Variants in PIEZO1 observed in about 807,000 individuals in gnomAD.
PIEZO1 encodes piezo-type mechanosensitive ion channel component 1.
PIEZO1 carries 296 observed loss-of-function variants against 297.2 expected under a neutral mutation model. That is an observed-to-expected ratio of 1.00 (90% CI 0.91 to 1.10). The LOEUF (loss-of-function observed/expected upper bound fraction) is 1.10. Ranked by LOEUF, PIEZO1 falls within the 50% of genes least tolerant of loss-of-function variation. PIEZO1 has a pLI of 0.00. For missense variants in PIEZO1, 5,018 were observed against 3,455.5 expected, an observed-to-expected ratio of 1.45 and a Z score of -11.34; for synonymous variants, 2,427 against 1,507.5, an observed-to-expected ratio of 1.61 and a Z score of -14.13.
At chr16:88,722,179 G>A (rs1597445662) in intron 36 of PIEZO1, 39 bp downstream of exon 36, 2 of 1,533,482 alleles carry the variant, frequency 1.3e-6, no homozygotes, top group Non-Finnish European at 1.8e-6. Flanking sequence ...CTCCCCGAGG[G>A]CCATGGTGAG....
intron 10 of PIEZO1, 200 bp downstream of exon 10, chr16:88,737,359 G>C: frequency 1.8e-6 from 1 of 552,032 alleles, no homozygotes; most frequent in Non-Finnish European, 3.2e-6. Flanking sequence ...TTGGGGGTTG[G>C]TCAGTGACAT....
chr16:88,776,872 T>C (rs1263762769), intron 1 of PIEZO1, among the ~76,000 whole-genome samples: 1 of 152,200 alleles, frequency 6.6e-6, no homozygotes, highest in East Asian at 1.9e-4. Context: ...GGGGAATGTG[T>C]GTGCTCATTC....
In PIEZO1 at chr16:88,737,799, T is replaced by A. The variant is rs1905341310; in HGVS notation, c.1036A>T (p.Lys346Ter). Residue 346 changes from lysine to a stop codon, truncating the protein, a stop_gained, in exon 9 of 51, where the codon AAG becomes TAG. Transcript: ENST00000301015. LOFTEE classifies it high-confidence loss of function. The part of the protein sequence containing the change: ...RPSGQRKEAA[K>*]GYEARELELA... ...TCCAGCTCCCGAGCCTCATACCCCT[T>A]TGCCGCCTCCTTCCTCTGCAGAGAC... 6.5e-7 allele frequency: 1 copy of A among 1,535,626 alleles called. No homozygotes were observed. The highest frequency in any genetic ancestry group is 2.0e-5 in the Admixed American group (1 of 50,972).
rs577852978 is a variant in PIEZO1, at chr16:88,719,377, C to T, written c.6471+197G>A. ...GGACCAACTCCGCTGCCCACTTCTG[C>T]GCCCAGCACTCACTCGCAGCTGCCA... On this transcript the variant is annotated intron_variant, in intron 44 of 50. Coordinates refer to ENST00000301015, the MANE Select transcript of PIEZO1 (RefSeq NM_001142864.4). 6.2e-4 allele frequency: 366 copies of T among 590,814 alleles called. 2 individuals are homozygous for T. In the East Asian group the frequency reaches 7.4e-3, roughly 12 times the overall value. The allele number at this position is 590,814 out of a possible 1,614,324, so 36.6% of individuals were successfully genotyped here.
chr16:88,735,351 G>T, intron 12 of PIEZO1, 105 bp from the exon 13 acceptor site: 1 of 795,306 alleles, frequency 1.3e-6, no homozygotes, highest in Non-Finnish European at 2.1e-6. Context: ...GCTCTCAGGC[G>T]GCTGGCACCA....
rs1433205453 is a variant in PIEZO1 at position 88,716,383 on chromosome 16, C to T, written c.7027G>A (p.Glu2343Lys). The change falls in exon 48 of 51, where the codon GAG becomes AAG. Residue 2343 changes from glutamate (E) to lysine (K), a missense_variant. Glu to Lys is a moderately conservative substitution (Grantham distance 56). Coordinates refer to ENST00000301015, the MANE Select transcript of PIEZO1 (RefSeq NM_001142864.4). ...CACACAGACTGGTCCGAGGTGCCCTCGAGCAGGCTGGCCAGCTGCCGCCGT... is the reference window on the plus strand; with the variant it reads ...CACACAGACTGGTCCGAGGTGCCCTTGAGCAGGCTGGCCAGCTGCCGCCGT... ...TARRQLASLLEGTSDQSVVIP... is the reference protein window; with the variant it reads ...TARRQLASLLKGTSDQSVVIP... 13 of 1,545,630 alleles carry T rather than the reference C, an allele frequency of 8.4e-6. No homozygotes were observed. Among genetic ancestry groups the T allele is most frequent in the South Asian group, 4.8e-5 (4 of 83,542 alleles).
intron 1 of PIEZO1, among the ~76,000 whole-genome samples, chr16:88,762,025 G>C (rs1411181241): frequency 6.6e-6 from 1 of 152,216 alleles, no homozygotes; most frequent in Admixed American, 6.5e-5. Flanking sequence ...GGCTTATCTG[G>C]GCAGCCATCT....
rs755738951 is a variant in PIEZO1, at chr16:88,721,232, G to T, written c.5602C>A (p.Arg1868Ser). 4 of 1,539,860 alleles carry T rather than the reference G, an allele frequency of 2.6e-6. No individual in the cohort carries two copies. In the Admixed American group the frequency reaches 5.9e-5, roughly 23 times the overall value. Residue 1868 changes from arginine (R) to serine (S), a missense_variant, in exon 39 of 51, where the codon CGC becomes AGC. Arg to Ser is a moderately radical substitution (Grantham distance 110). Transcript: ENST00000301015. ...QVELRPRDTR[R>S]ISLRFRRRKK... ...CTTCTTCTAAAACGTAGACTGATGC[G>T]CCTCGTATCACGGGGCCTGAGCTCC... is the stretch of plus-strand genomic sequence containing the variant.
Position 88,733,932 on chromosome 16 carries a change from G to C in PIEZO1, c.2303C>G (p.Pro768Arg). The change falls in exon 17 of 51, where the codon CCC (proline) becomes CGC (arginine). Residue 768 changes from proline (P) to arginine (R), a missense_variant. By Grantham distance (103) the Pro-to-Arg change is moderately radical. Coordinates refer to ENST00000301015, the MANE Select transcript of PIEZO1 (RefSeq NM_001142864.4). ...TTCAGGCACCTGCGTGGCCTGGTGG[G>C]GAGTGGCCACGCCCAGCCCCTCGTC... Reference protein sequence around the residue: ...SRDEGLGVATPHQATQVPEGA... With the variant: ...SRDEGLGVATRHQATQVPEGA... 6.5e-7 allele frequency: 1 copy of C among 1,533,888 alleles called. No individual in the cohort carries two copies. Among genetic ancestry groups the C allele is most frequent in the South Asian group, 1.2e-5 (1 of 82,586 alleles).
chr16:88,756,404 G>A (rs1032013137), intron 1 of PIEZO1, among the ~76,000 whole-genome samples: 2 of 152,192 alleles, frequency 1.3e-5, no homozygotes, highest in African/African-American at 2.4e-5. Context: ...TAATGGACCG[G>A]AAGGATCTCG....
rs1387022383 is a variant in PIEZO1 at position 88,722,623 on chromosome 16, C to G, written c.4735G>C (p.Gly1579Arg). The G allele has an allele frequency of 9.7e-6, 15 of 1,538,624 alleles. No individual in the cohort carries two copies. Among genetic ancestry groups the G allele is most frequent in the Non-Finnish European group, 1.2e-5 (14 of 1,145,954 alleles). The change falls in exon 35 of 51, where the codon GGC becomes CGC. Residue 1579 changes from glycine to arginine, a missense_variant. By Grantham distance (125) the Gly-to-Arg change is moderately radical (BLOSUM62 -2). Coordinates refer to ENST00000301015, the MANE Select transcript of PIEZO1 (RefSeq NM_001142864.4). ...GGGGCATTGGGGGCCTCGGTGGGGCCTGGCAGCGTGGCCTCGGCCTGGCTT... is the reference window on the plus strand; with the variant it reads ...GGGGCATTGGGGGCCTCGGTGGGGCGTGGCAGCGTGGCCTCGGCCTGGCTT... ...YTSQAEATLP[G>R]PTEAPNAPST... is the part of the protein sequence containing the mutation.
At position 88,742,401 on chromosome 16, in the gene PIEZO1, C is replaced by T; in HGVS notation, c.182G>A (p.Arg61Gln). The T allele has an allele frequency of 5.2e-6, 8 of 1,535,004 alleles. No individual in the cohort carries two copies. In the Middle Eastern group the frequency reaches 5.3e-4, roughly 102 times the overall value. The change falls in exon 3 of 51, where the codon CGG becomes CAG. Residue 61 changes from arginine (R) to glutamine (Q), a missense_variant. Physicochemically the swap from Arg to Gln is conservative, Grantham distance 43. Transcript: ENST00000301015. Reference protein sequence around the residue: ...GLQGHTGRLLRALLGLSLLFL... With the variant: ...GLQGHTGRLLQALLGLSLLFL... ...GAGCAGGCTGAGGCCCAGCAATGCC[C>T]GCAGGAGGCGGCCTGTGTGACCTGC...
At chr16:88,771,291 G>A (rs984494684) in intron 1 of PIEZO1, among the ~76,000 whole-genome samples, 2 of 152,226 alleles carry the variant, frequency 1.3e-5, no homozygotes, top group Admixed American at 6.5e-5. Flanking sequence ...GCTCAGAGAG[G>A]CTGAGAGATT....
At chr16:88,779,708 C>T (rs1170354143) in intron 1 of PIEZO1, among the ~76,000 whole-genome samples, 1 of 152,220 alleles carries the variant, frequency 6.6e-6, no homozygotes, top group African/African-American at 2.4e-5. Context: ...GGCCGACAGC[C>T]CCACAGGTCC....
At chr16:88,735,360 C>T in intron 12 of PIEZO1, 114 bp from the exon 13 acceptor site, 1 of 734,130 alleles carries the variant, frequency 1.4e-6, no homozygotes, top group Non-Finnish European at 2.4e-6. Flanking sequence ...CGGCTGGCAC[C>T]AGCCCATCCA....
At chr16:88,734,334 G>C (rs771306151) in intron 16 of PIEZO1, 22 bp downstream of exon 16, 45 of 1,494,700 alleles carry the variant, frequency 3.0e-5, no homozygotes, top group South Asian at 1.3e-5. Context: ...TCCAGGGCCG[G>C]ACAGGGAGGG....
Position 88,725,458 on chromosome 16 carries a change from G to T in PIEZO1, c.4120C>A (p.Pro1374Thr). 2 of 1,502,838 alleles carry T rather than the reference G, an allele frequency of 1.3e-6. No homozygotes were observed. Among genetic ancestry groups the T allele is most frequent in the Non-Finnish European group, 1.8e-6 (2 of 1,122,204 alleles). 93.1% of individuals were successfully genotyped at this position (1,502,838 alleles called of 1,614,324 possible). The change falls in exon 29 of 51, where the codon CCC becomes ACC. Residue 1374 changes from proline to threonine, a missense_variant. By Grantham distance (38) the Pro-to-Thr change is conservative. Transcript: ENST00000301015. ...HRQGRVDRSR[P>T]QDTLGPKDPG... ...TCCTTGGGGCCCAGGGTGTCCTGGG[G>T]GCGACTGCGGTCCACCCGGCCCTGC...
At chr16:88,723,405 C>A (rs998801713) in intron 31 of PIEZO1, 77 bp from the exon 32 acceptor site, 1 of 1,493,954 alleles carries the variant, frequency 6.7e-7, no homozygotes, top group South Asian at 1.2e-5. Context: ...TTGGGCAAGC[C>A]GGGCGCCAGA....
At chr16:88,721,100 C>G (rs775434225) in intron 39 of PIEZO1, 66 bp downstream of exon 39, 8 of 1,402,678 alleles carry the variant, frequency 5.7e-6, no homozygotes, top group Middle Eastern at 1.8e-4. Context: ...TGAGAAAGAC[C>G]CTCCCTGCAG....
Sources: allele counts gnomAD v4.1 joint callset (sites outside exome capture counted in the v4.1 genomes callset), GRCh38; gene constraint gnomAD v4.1.1; transcripts MANE v1.5; gene names NCBI Gene and HGNC (gene_info 2026-07-23, HGNC 2026-07-21).